CT55: variants seen among roughly 807,000 people sequenced by gnomAD.
The protein encoded by CT55 is BRCA2-interacting protein.
A neutral mutation model predicts 12.6 loss-of-function variants in CT55; 1 was observed. The observed-to-expected ratio is 0.08, with a 90% CI of 0.03 to 0.38. CT55 has a LOEUF of 0.38. CT55 is among the 10% of genes least tolerant of loss of function. The probability of loss-of-function intolerance (pLI) is 0.99; values close to 1 mark genes in which losing one functional copy is unlikely to be tolerated. For missense variants in CT55, 109 were observed against 135.4 expected, an observed-to-expected ratio of 0.80 and a Z score of 0.97; for synonymous variants, 43 against 49.7, an observed-to-expected ratio of 0.87 and a Z score of 0.57.
intron 2 of CT55, among the ~76,000 whole-genome samples, chrX:135,164,110 T>C (rs2083573435): frequency 8.9e-6 from 1 of 111,775 alleles, no homozygotes; most frequent in Admixed American, 9.5e-5. Context: ...GGTATAAAAC[T>C]CACCAGTAAA....
chrX:135,163,657 A>G (rs1288096543), intron 2 of CT55, among the ~76,000 whole-genome samples: 1 of 111,838 alleles, frequency 8.9e-6, no homozygotes, highest in African/African-American at 3.3e-5. Flanking sequence ...ATAATAATGG[A>G]GAGCCATCCA....
chrX:135,166,236 G>T (rs1400749924), intron 2 of CT55, among the ~76,000 whole-genome samples: 1 of 110,319 alleles, frequency 9.1e-6, no homozygotes, highest in Non-Finnish European at 1.9e-5. Flanking sequence ...AATTTCCACA[G>T]CACATTAAAA....
intron 3 of CT55, among the ~76,000 whole-genome samples, chrX:135,159,264 T>C (rs1168116046): frequency 9.0e-6 from 1 of 110,584 alleles, no homozygotes; most frequent in Non-Finnish European, 1.9e-5. Flanking sequence ...TACATTTCTT[T>C]TGTGTGGATT....
intron 1 of CT55, among the ~76,000 whole-genome samples, chrX:135,170,048 C>T (rs1459315097): frequency 3.6e-5 from 4 of 111,123 alleles, no homozygotes; most frequent in South Asian, 3.9e-4. Flanking sequence ...GCTCTGTCGC[C>T]GGGGCTGGAG....
At chrX:135,170,948 G>A in intron 1 of CT55, 130 bp downstream of exon 1, 1 of 1,064,893 alleles carries the variant, frequency 9.4e-7, no homozygotes, top group Non-Finnish European at 1.2e-6. Context: ...GCCTCCCCAT[G>A]CACGCACAAG....
At chrX:135,161,444 A>G (rs1328013498) in intron 2 of CT55, among the ~76,000 whole-genome samples, 1 of 112,185 alleles carries the variant, frequency 8.9e-6, no homozygotes, top group Non-Finnish European at 1.9e-5. Context: ...AAATATATAT[A>G]CATGTGTAAA....
chrX:135,158,106 C>T, intron 4 of CT55, 93 bp downstream of exon 4: 1 of 476,899 alleles, frequency 2.1e-6, no homozygotes, highest in Non-Finnish European at 3.6e-6. Flanking sequence ...TTCTGGAATT[C>T]CCATTATACC....
At chrX:135,162,231 G>C (rs1165977357) in intron 2 of CT55, among the ~76,000 whole-genome samples, 1 of 112,698 alleles carries the variant, frequency 8.9e-6, no homozygotes, top group Non-Finnish European at 1.9e-5. Flanking sequence ...CAGGCTGGCT[G>C]TATGTTTAGA....
rs2083602508 is a variant in CT55 at position 135,169,710 on chromosome X, C to G, written c.163G>C (p.Glu55Gln). 8.3e-7 allele frequency: 1 copy of G among 1,205,840 alleles called. No homozygotes were observed. The highest frequency in any genetic ancestry group is 1.1e-6 in the Non-Finnish European group (1 of 892,192). Residue 55 changes from glutamate to glutamine, a missense_variant, in exon 2 of 6, where the codon GAG (glutamate) becomes CAG (glutamine). Coordinates refer to ENST00000276241, the MANE Select transcript of CT55 (RefSeq NM_001031705.3). ...ACATCACTACTGAAGTAGATCGACT[C>G]ATCAATCATGCCATAATCACCACAG... ...SFCGDYGMID[E>Q]SIYFSSDVVT... is the part of the protein sequence containing the mutation.
chrX:135,162,210 A>G (rs1457882296), intron 2 of CT55, among the ~76,000 whole-genome samples: 1 of 112,889 alleles, frequency 8.9e-6, no homozygotes, highest in Non-Finnish European at 1.9e-5. Context: ...CCTGCACATG[A>G]AAAGCAAACC....
intron 2 of CT55, among the ~76,000 whole-genome samples, chrX:135,164,516 A>G (rs1184348216): frequency 8.9e-6 from 1 of 112,148 alleles, no homozygotes. Flanking sequence ...GAAAGAAAGG[A>G]AGAAATTACC....
chrX:135,169,876 G>T, intron 1 of CT55, 98 bp from the exon 2 acceptor site: 1 of 521,831 alleles, frequency 1.9e-6, no homozygotes, highest in East Asian at 4.2e-5. Flanking sequence ...CCTGGGCAGA[G>T]AAGTTTTATA....
rs199770128 is a variant in CT55 at position 135,160,540 on chromosome X, G to A, written c.295C>T (p.Arg99Cys). Residue 99 changes from arginine (R) to cysteine (C), a missense_variant, in exon 3 of 6, where the codon CGC (arginine) becomes TGC (cysteine). Arg to Cys is a radical substitution (Grantham distance 180, BLOSUM62 -3). Transcript: ENST00000276241. The part of the protein sequence containing the change: ...LRAIKVDVVP[R>C]HLYGAGPSDS... ...GAGGGTCCAGCACCATAAAGATGGCGAGGCACAACATCCACCTGTAAGATT... is the reference window on the plus strand; with the variant it reads ...GAGGGTCCAGCACCATAAAGATGGCAAGGCACAACATCCACCTGTAAGATT... The A allele has an allele frequency of 1.2e-4, 148 of 1,189,161 alleles. No individual in the cohort carries two copies. Among genetic ancestry groups the A allele is most frequent in the East Asian group, 1.5e-4 (5 of 33,068 alleles).
At position 135,160,573 on chromosome X, in the gene CT55, G is replaced by T; in HGVS notation, c.280-18C>A. The stretch of plus-strand genomic sequence containing the variant: ...ACATCCACCTGTAAGATTTAGGAAA[G>T]AGTTTACTTCAAAAACAATACAAAT... On this transcript the variant is annotated intron_variant, in intron 2 of 5. Transcript: ENST00000276241. 8.5e-7 allele frequency: 1 copy of T among 1,175,324 alleles called. No individual in the cohort carries two copies. Among genetic ancestry groups the T allele is most frequent in the Non-Finnish European group, 1.1e-6 (1 of 883,498 alleles).
upstream of CT55, chrX:135,171,490 C>T (rs1603275026): frequency 4.5e-6 from 1 of 222,895 alleles, no homozygotes; most frequent in Non-Finnish European, 8.0e-6. Flanking sequence ...TACTAAAAGG[C>T]GATGGGTGGG....
intron 3 of CT55, among the ~76,000 whole-genome samples, chrX:135,159,599 T>C (rs1239818676): frequency 3.6e-5 from 4 of 111,507 alleles, no homozygotes; most frequent in Non-Finnish European, 7.5e-5. Context: ...GGTTTTCCAC[T>C]TCTCCATTTT....
intron 3 of CT55, 38 bp downstream of exon 3, chrX:135,160,373 T>TAAG (rs1271310663): frequency 8.0e-6 from 9 of 1,121,631 alleles, no homozygotes; most frequent in African/African-American, 1.9e-5. Flanking sequence ...CTCAAAAAAT[T>TAAG]AAGAATTACA....
chrX:135,170,562 A>T (rs1360701105), intron 1 of CT55, among the ~76,000 whole-genome samples: 1 of 110,007 alleles, frequency 9.1e-6, no homozygotes, highest in African/African-American at 3.3e-5. Flanking sequence ...GGTTTTCTTT[A>T]TTTCTCCTTC....
chrX:135,170,568 C>CCTT lies in CT55; in HGVS notation c.94+507_94+509dup, dbSNP rs781992394. Among the ~76,000 whole-genome samples the CCTT allele has an allele frequency of 4.6e-3, 507 of 110,581 alleles. 3 individuals are homozygous for CCTT. The highest frequency in any genetic ancestry group is 0.016 in the African/African-American group (483 of 30,399). On this transcript the variant is annotated intron_variant, in intron 1 of 5. Coordinates refer to ENST00000276241, the MANE Select transcript of CT55 (RefSeq NM_001031705.3). Reference sequence around the variant, plus strand: ...CATCTGAATGGTTTTCTTTATTTCTCCTTCTTCTTCTTCTTCTTTTTTTTT... The same window carrying CCTT: ...CATCTGAATGGTTTTCTTTATTTCTCCTTCTTCTTCTTCTTCTTCTTTTTTTTT...
Sources: allele counts gnomAD v4.1 joint callset (sites outside exome capture counted in the v4.1 genomes callset), GRCh38; gene constraint gnomAD v4.1.1; transcripts MANE v1.5; gene names NCBI Gene and HGNC (gene_info 2026-07-23, HGNC 2026-07-21).